CC2D2A: variants seen among roughly 807,000 people sequenced by gnomAD.
CC2D2A encodes coiled-coil and C2 domain containing 2A, also known as coiled-coil and C2 domain-containing protein 2A.
CC2D2A carries 155 observed loss-of-function variants against 212.9 expected under a neutral mutation model. The observed-to-expected ratio is 0.73, with a 90% confidence interval of 0.64 to 0.83. The LOEUF (loss-of-function observed/expected upper bound fraction) is 0.83, where lower values mean the gene tolerates loss of function less well. Among genes scored for constraint, CC2D2A ranks in the 40% least tolerant of loss-of-function variants. The pLI is 0.00. For synonymous variants in CC2D2A, 667 were observed against 686.5 expected (o/e 0.97, Z 0.44); for missense variants, 1,856 against 1,956.2 (o/e 0.95, Z 0.97).
At chr4:15,589,889 C>A (rs1721022219) in intron 33 of CC2D2A, among the ~76,000 whole-genome samples, 1 of 151,900 alleles carries the variant, frequency 6.6e-6, no homozygotes, top group Non-Finnish European at 1.5e-5. Context: ...CAATTAGTCA[C>A]CTGACCTGCC....
intron 12 of CC2D2A, 91 bp downstream of exon 12, chr4:15,527,747 T>C: frequency 1.1e-6 from 1 of 919,638 alleles, no homozygotes; most frequent in Non-Finnish European, 1.7e-6. Flanking sequence ...AAAATGTTCA[T>C]GCCCCTCTTT....
chr4:15,507,989 G>C (rs1716355557), intron 6 of CC2D2A, among the ~76,000 whole-genome samples: 1 of 152,180 alleles, frequency 6.6e-6, no homozygotes, highest in Non-Finnish European at 1.5e-5. Flanking sequence ...TGTGCTTTAG[G>C]AGAGATAGGG....
At chr4:15,481,638 G>C (rs1383358021) in intron 4 of CC2D2A, 3 of 268,424 alleles carry the variant, frequency 1.1e-5, no homozygotes, top group Non-Finnish European at 1.7e-5. Flanking sequence ...GGCCTCACCA[G>C]AGGCAGATGC....
At chr4:15,513,595 T>G (rs1716692823) in intron 8 of CC2D2A, among the ~76,000 whole-genome samples, 1 of 152,238 alleles carries the variant, frequency 6.6e-6, no homozygotes, top group South Asian at 2.1e-4. Flanking sequence ...ACTTTTAAAG[T>G]ATTTTCGTCT....
chr4:15,510,848 CA>C (rs1716532256), intron 7 of CC2D2A, among the ~76,000 whole-genome samples: 1 of 151,878 alleles, frequency 6.6e-6, no homozygotes, highest in Non-Finnish European at 1.5e-5. Flanking sequence ...AGAGAAACAA[CA>C]AAAAAAGGTC....
intron 4 of CC2D2A, among the ~76,000 whole-genome samples, chr4:15,488,718 G>C (rs1336809120): frequency 6.6e-6 from 1 of 152,202 alleles, no homozygotes; most frequent in Non-Finnish European, 1.5e-5. Flanking sequence ...GTGACCCTCT[G>C]TCCTACAAGG....
At chr4:15,540,361 G>A (rs1304895413) in intron 16 of CC2D2A, among the ~76,000 whole-genome samples, 1 of 151,550 alleles carries the variant, frequency 6.6e-6, no homozygotes, top group Non-Finnish European at 1.5e-5. Flanking sequence ...TGCATCCATT[G>A]AACATTCACT....
chr4:15,541,341 T>C (rs1431118124), intron 17 of CC2D2A, among the ~76,000 whole-genome samples: 1 of 151,782 alleles, frequency 6.6e-6, no homozygotes, highest in Non-Finnish European at 1.5e-5. Flanking sequence ...ATAATAATTA[T>C]TATTATTATT....
intron 6 of CC2D2A, among the ~76,000 whole-genome samples, chr4:15,509,347 C>T (rs1216472360): frequency 6.6e-6 from 1 of 150,872 alleles, no homozygotes; most frequent in African/African-American, 2.4e-5. Flanking sequence ...AATCTCAGCT[C>T]ACTGCAACCT....
At position 15,574,272 on chromosome 4, in the gene CC2D2A, C is replaced by T. The variant is rs750077436; in HGVS notation, c.3717C>T (p.Thr1239=). 2 of 1,551,504 alleles carry T rather than the reference C, an allele frequency of 1.3e-6. No individual in the cohort carries two copies. Among genetic ancestry groups the T allele is most frequent in the East Asian group, 2.4e-5 (1 of 40,902 alleles). The change falls in exon 29 of 37, where the codon ACC becomes ACT. Residue 1239 remains threonine, a synonymous_variant. Coordinates refer to ENST00000424120, the MANE Select transcript of CC2D2A (RefSeq NM_001378615.1). ...VRSLSEGSYI[T]LFITIEPQLV... Reference sequence around the variant, plus strand: ...GCTTAAGTGAAGGCTCCTACATTACCCTCTTTATTACCATTGAGCCCCAGC... The same window carrying T: ...GCTTAAGTGAAGGCTCCTACATTACTCTCTTTATTACCATTGAGCCCCAGC...
chr4:15,533,966 G>A (rs1010156123), intron 14 of CC2D2A, among the ~76,000 whole-genome samples: 1 of 152,146 alleles, frequency 6.6e-6, no homozygotes, highest in African/African-American at 2.4e-5. Context: ...GCCTTCATGG[G>A]GGTTCTCGTA....
chr4:15,551,223 A>G (rs559723045), intron 18 of CC2D2A, among the ~76,000 whole-genome samples: 1 of 152,380 alleles, frequency 6.6e-6, no homozygotes, highest in East Asian at 1.9e-4. Context: ...AACCTTGAAA[A>G]TGACCTTTGG....
At chr4:15,558,602 G>GGC (rs1719409974) in intron 21 of CC2D2A, among the ~76,000 whole-genome samples, 1 of 151,900 alleles carries the variant, frequency 6.6e-6, no homozygotes, top group Non-Finnish European at 1.5e-5. Flanking sequence ...CAGCAGAGGT[G>GGC]TGTCCCCCGA....
intron 17 of CC2D2A, among the ~76,000 whole-genome samples, chr4:15,550,376 T>A (rs572971848): frequency 1.3e-5 from 2 of 152,210 alleles, no homozygotes; most frequent in African/African-American, 2.4e-5. Context: ...GGAGTGCTTC[T>A]GCATATGGAG....
intron 4 of CC2D2A, among the ~76,000 whole-genome samples, chr4:15,482,776 T>G (rs974250655): frequency 2.4e-4 from 37 of 152,212 alleles, no homozygotes; most frequent in African/African-American, 7.9e-4. Flanking sequence ...CCAGGAGAGG[T>G]GGCCACCAGT....
At position 15,540,858 on chromosome 4, in the gene CC2D2A, G is replaced by A; in HGVS notation, c.2025G>A (p.Glu675=). Residue 675 remains glutamate (E), a synonymous_variant, in exon 17 of 37, where the codon GAG becomes GAA. Transcript: ENST00000424120. ...GCAGAGCGGAGGTCTCGAGAAGGGA[G>A]GATGTAAAGAAGCGCTCAGTGTACT... ...QCPRAEVSRR[E]DVKKRSVYLK... 1.9e-6 allele frequency: 3 copies of A among 1,600,868 alleles called. No homozygotes were observed. Among genetic ancestry groups the A allele is most frequent in the Non-Finnish European group, 2.6e-6 (3 of 1,173,486 alleles).
intron 16 of CC2D2A, among the ~76,000 whole-genome samples, chr4:15,538,490 G>C (rs1253499145): frequency 6.6e-6 from 1 of 152,126 alleles, no homozygotes; most frequent in East Asian, 1.9e-4. Context: ...TAACCTCAAT[G>C]AGTCCTTCAG....
At chr4:15,533,014 C>T (rs931818449) in intron 13 of CC2D2A, among the ~76,000 whole-genome samples, 179 bp from the exon 14 acceptor site, 1 of 152,208 alleles carries the variant, frequency 6.6e-6, no homozygotes, top group Admixed American at 6.5e-5. Flanking sequence ...TCAAGTAAAT[C>T]TCTCAAGACA....
chr4:15,472,456 G>C (rs1483364905), intron 1 of CC2D2A, among the ~76,000 whole-genome samples: 1 of 152,020 alleles, frequency 6.6e-6, no homozygotes, highest in Non-Finnish European at 1.5e-5. Context: ...TAGCAACAGT[G>C]TTCATATAAA....
Sources: gnomAD v4.1 joint callset for allele counts (sites outside exome capture counted in the v4.1 genomes callset) on GRCh38, gnomAD v4.1.1 for gene constraint, MANE v1.5 for transcripts, NCBI Gene and HGNC (gene_info 2026-07-23, HGNC 2026-07-21) for gene names.